The following PTPRD variants were observed in gnomAD, a reference collection of about 807,000 sequenced individuals.
PTPRD encodes receptor-type tyrosine-protein phosphatase delta.
PTPRD carries 34 observed loss-of-function variants against 214.5 expected under a neutral mutation model. The observed-to-expected ratio is 0.16, with a 90% CI of 0.12 to 0.21. The LOEUF is 0.21. Among genes scored for constraint, PTPRD ranks in the 10% least tolerant of loss-of-function variants. The probability of loss-of-function intolerance (pLI) is 1.00; values close to 1 mark genes in which losing one functional copy is unlikely to be tolerated. For missense variants in PTPRD, 2,545 were observed against 2,398.7 expected, an observed-to-expected ratio of 1.06 and a Z score of -1.27; for synonymous variants, 1,128 against 845.7, an observed-to-expected ratio of 1.33 and a Z score of -5.79.
chr9:9,316,155 C>G (rs574909839), intron 9 of PTPRD, among the ~76,000 whole-genome samples: 2 of 151,824 alleles, frequency 1.3e-5, no homozygotes, highest in African/African-American at 4.8e-5. Context: ...CTATAAAGTA[C>G]GTTATTCTAT....
intron 9 of PTPRD, among the ~76,000 whole-genome samples, chr9:9,275,075 T>TAAC (rs1555158934): frequency 2.6e-5 from 2 of 76,876 alleles, no homozygotes; most frequent in African/African-American, 5.2e-5. Context: ...ATTATATATA[T>TAAC]ATATATAATA....
At chr9:10,277,450 A>T (rs1036664006) in intron 3 of PTPRD, among the ~76,000 whole-genome samples, 1 of 152,216 alleles carries the variant, frequency 6.6e-6, no homozygotes, top group East Asian at 1.9e-4. Context: ...TGTGTAACTT[A>T]AATAAATTTC....
chr9:8,341,687 C>A lies in PTPRD; in HGVS notation c.4947+6G>T, dbSNP rs1466038354. On this transcript the variant is annotated splice_donor_region_variant and intron_variant, in intron 40 of 45. Coordinates refer to ENST00000381196, the MANE Select transcript of PTPRD (RefSeq NM_002839.4). ...CTGAATAACCACATCACATCCAATA[C>A]CATACCTTAAATTCGAGCTCCATTC... 6.2e-7 allele frequency: 1 copy of A among 1,612,790 alleles called. No homozygotes were observed.
intron 9 of PTPRD, among the ~76,000 whole-genome samples, chr9:9,319,183 G>A (rs939001609): frequency 6.6e-6 from 1 of 152,150 alleles, no homozygotes; most frequent in South Asian, 2.1e-4. Flanking sequence ...CTTGAAAACA[G>A]AATGAATGAA....
intron 4 of PTPRD, among the ~76,000 whole-genome samples, chr9:9,969,785 A>G (rs931076971): frequency 2.6e-5 from 4 of 152,244 alleles, no homozygotes; most frequent in African/African-American, 9.6e-5. Flanking sequence ...ACTTTGCAAT[A>G]GCAAAAGATT....
chr9:8,495,108 CTG>C (rs2097233378), intron 26 of PTPRD, among the ~76,000 whole-genome samples: 1 of 152,178 alleles, frequency 6.6e-6, no homozygotes, highest in African/African-American at 2.4e-5. Context: ...TTATTTCCAG[CTG>C]TGACTTCCAA....
chr9:9,876,661 CT>C (rs2066954551), intron 5 of PTPRD, among the ~76,000 whole-genome samples: 1 of 152,162 alleles, frequency 6.6e-6, no homozygotes, highest in Admixed American at 6.5e-5. Flanking sequence ...TTGGCAGCAT[CT>C]CCTTTTTACA....
At chr9:10,143,643 A>G (rs1056694053) in intron 3 of PTPRD, among the ~76,000 whole-genome samples, 3 of 152,122 alleles carry the variant, frequency 2.0e-5, no homozygotes, top group African/African-American at 7.2e-5. Context: ...TAGCAAAGAC[A>G]TGGAGTTAAC....
chr9:9,739,230 T>C (rs916600617), intron 6 of PTPRD, among the ~76,000 whole-genome samples: 10 of 152,316 alleles, frequency 6.6e-5, no homozygotes, highest in Middle Eastern at 3.4e-3. Flanking sequence ...TGAATACAAG[T>C]GGTGATACTG....
At chr9:9,768,936 A>G (rs1450751791) in intron 5 of PTPRD, among the ~76,000 whole-genome samples, 2 of 152,202 alleles carry the variant, frequency 1.3e-5, no homozygotes, top group East Asian at 1.9e-4. Flanking sequence ...TAGCTTCGGC[A>G]TTATAATCGG....
At chr9:8,521,171 G>T in intron 20 of PTPRD, 106 bp downstream of exon 20, 1 of 1,286,376 alleles carries the variant, frequency 7.8e-7, no homozygotes, top group Non-Finnish European at 1.1e-6. Context: ...CATTTAAAAT[G>T]CTGAATAATG....
At chr9:8,326,792 G>C (rs1171076010) in intron 44 of PTPRD, among the ~76,000 whole-genome samples, 2 of 150,766 alleles carry the variant, frequency 1.3e-5, no homozygotes, top group Non-Finnish European at 2.9e-5. Context: ...TTGGGAGGGT[G>C]TACGTCTCCA....
chr9:8,628,977 G>T (rs942009620), intron 14 of PTPRD, among the ~76,000 whole-genome samples: 1 of 151,798 alleles, frequency 6.6e-6, no homozygotes, highest in African/African-American at 2.4e-5. Context: ...CTGTTCTGTT[G>T]TGCTAGTGGT....
intron 2 of PTPRD, among the ~76,000 whole-genome samples, chr9:10,507,312 T>G (rs571172716): frequency 6.6e-6 from 1 of 152,152 alleles, no homozygotes; most frequent in East Asian, 1.9e-4. Context: ...ACAAAACAAA[T>G]GGAAGAACAT....
intron 11 of PTPRD, among the ~76,000 whole-genome samples, chr9:8,915,458 C>T (rs1314439720): frequency 3.3e-5 from 5 of 152,046 alleles, no homozygotes; most frequent in Non-Finnish European, 4.4e-5. Flanking sequence ...TGGGGGTTCT[C>T]CAGAAGATCG....
In PTPRD at chr9:9,215,859, T is replaced by G. The variant is rs565462652; in HGVS notation, c.-202-32496A>C. ...CACAACAGTAAAATAGTACAGTATT[T>G]ACCCTGATGGAGTCAACAGTCTGGT... On this transcript the variant is annotated intron_variant, in intron 9 of 45. Transcript: ENST00000381196. Among the ~76,000 whole-genome samples, 473 of 152,282 alleles carry G rather than the reference T, an allele frequency of 3.1e-3. 3 individuals are homozygous for G. In the Middle Eastern group the frequency reaches 0.041, roughly 13 times the overall value.
At chr9:9,375,247 T>C (rs759119443) in intron 9 of PTPRD, among the ~76,000 whole-genome samples, 18 of 152,264 alleles carry the variant, frequency 1.2e-4, no homozygotes, top group Non-Finnish European at 2.2e-4. Flanking sequence ...AATCCACCAA[T>C]GAATAAGTGA....
At chr9:8,471,178 G>A (rs567952926) in intron 30 of PTPRD, 93 bp from the exon 31 acceptor site, 12 of 923,926 alleles carry the variant, frequency 1.3e-5, no homozygotes, top group African/African-American at 6.5e-5. Flanking sequence ...TGAGGTTGAA[G>A]GCAAATTATG....
At chr9:8,357,967 C>G (rs1387586748) in intron 39 of PTPRD, among the ~76,000 whole-genome samples, 1 of 152,188 alleles carries the variant, frequency 6.6e-6, no homozygotes. Context: ...ACCAATACTT[C>G]TTGGTCTTTG....
Sources: allele counts gnomAD v4.1 joint callset (sites outside exome capture counted in the v4.1 genomes callset), GRCh38; gene constraint gnomAD v4.1.1; transcripts MANE v1.5; gene names NCBI Gene and HGNC (gene_info 2026-07-23, HGNC 2026-07-21).